Variants in PARVB observed in about 807,000 individuals in gnomAD.
The protein encoded by PARVB is beta-parvin.
Under a neutral mutation model 47.0 loss-of-function variants are expected in PARVB, and 46 were observed. The ratio of observed to expected loss-of-function variants is 0.98; its 90% CI spans 0.77 to 1.25. The LOEUF is 1.25. Among genes scored for constraint, PARVB ranks in the 50% most tolerant of loss-of-function variants. The pLI, the probability that PARVB is intolerant of heterozygous loss-of-function variation, is 0.00. For synonymous variants in PARVB, 196 were observed against 196.3 expected, an observed-to-expected ratio of 1.00 and a Z score of 0.01; for missense variants, 473 against 471.6, an observed-to-expected ratio of 1.00 and a Z score of -0.03.
chr22:44,059,846 C>T (rs987486415), intron 1 of PARVB, among the ~76,000 whole-genome samples: 29 of 152,142 alleles, frequency 1.9e-4, no homozygotes, highest in African/African-American at 6.5e-4. Flanking sequence ...CAGCACTCGT[C>T]GTCTTTGGCG....
intron 2 of PARVB, among the ~76,000 whole-genome samples, chr22:44,097,700 C>T (rs983081406): frequency 1.3e-5 from 2 of 152,204 alleles, no homozygotes; most frequent in Non-Finnish European, 2.9e-5. Flanking sequence ...CACTGCCACA[C>T]ATAGCTGCCT....
chr22:44,098,567 G>A (rs1402938633), intron 2 of PARVB, among the ~76,000 whole-genome samples: 2 of 152,116 alleles, frequency 1.3e-5, no homozygotes, highest in Non-Finnish European at 2.9e-5. Flanking sequence ...GGCCTTGGAG[G>A]CCACATGGAG....
intron 10 of PARVB, among the ~76,000 whole-genome samples, chr22:44,157,336 G>A: frequency 6.6e-6 from 1 of 152,202 alleles, no homozygotes; most frequent in Non-Finnish European, 1.5e-5. Flanking sequence ...CCTGAATGAT[G>A]GGAGTCACTA....
chr22:44,159,512 T>C (rs918766545), intron 11 of PARVB, among the ~76,000 whole-genome samples: 2 of 152,128 alleles, frequency 1.3e-5, no homozygotes, highest in African/African-American at 4.8e-5. Context: ...TATTTTCAGG[T>C]ATAGCATGCA....
chr22:44,010,885 G>A (rs1367639276), intron 2 of PARVB, among the ~76,000 whole-genome samples: 1 of 149,948 alleles, frequency 6.7e-6, no homozygotes, highest in Non-Finnish European at 1.5e-5. Context: ...TAGGCACCAT[G>A]CCTATTTTTT....
chr22:44,116,084 C>T (rs918512233), intron 3 of PARVB: 1 of 152,360 alleles, frequency 6.6e-6, no homozygotes, highest in African/African-American at 2.4e-5. Context: ...CCTCCCAGGA[C>T]ACCACATTGC....
chr22:44,110,201 G>A (rs1315696974), intron 3 of PARVB: 1 of 150,984 alleles, frequency 6.6e-6, no homozygotes, highest in East Asian at 1.9e-4. Flanking sequence ...GCCTGCTTTA[G>A]CCGCTTGAGA....
chr22:44,101,877 A>G (rs1218121703), intron 3 of PARVB, among the ~76,000 whole-genome samples: 1 of 152,200 alleles, frequency 6.6e-6, no homozygotes, highest in Admixed American at 6.5e-5. Flanking sequence ...TGTTATTTCA[A>G]ACAGAAGAAC....
intron 4 of PARVB, among the ~76,000 whole-genome samples, chr22:44,122,103 G>T (rs892958087): frequency 2.0e-5 from 3 of 152,028 alleles, no homozygotes; most frequent in African/African-American, 7.3e-5. Flanking sequence ...TTTAGTTTTT[G>T]TGTATATGTT....
intron 1 of PARVB, among the ~76,000 whole-genome samples, chr22:44,092,135 G>A (rs575550263): frequency 6.6e-6 from 1 of 152,054 alleles, no homozygotes; most frequent in East Asian, 1.9e-4. Context: ...TTTTTGAGAT[G>A]GAGTCTCGCT....
intron 1 of PARVB, among the ~76,000 whole-genome samples, chr22:44,061,213 G>A (rs2146958945): frequency 6.6e-6 from 1 of 152,298 alleles, no homozygotes; most frequent in East Asian, 1.9e-4. Context: ...CAGATCACCT[G>A]AGGTCAGGAG....
At chr22:44,046,116 C>T (rs952538726) in intron 1 of PARVB, among the ~76,000 whole-genome samples, 9 of 152,202 alleles carry the variant, frequency 5.9e-5, no homozygotes, top group Non-Finnish European at 1.2e-4. Flanking sequence ...TTTCAGGGTA[C>T]GAGTCTCTTG....
chr22:44,011,203 G>T (rs1341149699), intron 2 of PARVB, among the ~76,000 whole-genome samples: 1 of 152,054 alleles, frequency 6.6e-6, no homozygotes, highest in Non-Finnish European at 1.5e-5. Context: ...CGAACTCCAG[G>T]GCTCAAGTGA....
chr22:44,032,309 C>A (rs1380186248), intron 1 of PARVB, among the ~76,000 whole-genome samples: 1 of 152,192 alleles, frequency 6.6e-6, no homozygotes, highest in Non-Finnish European at 1.5e-5. Context: ...GTAACATGAT[C>A]AGCCCTGGGA....
At position 44,103,885 on chromosome 22, in the gene PARVB, C is replaced by G. The variant is rs2052509073; in HGVS notation, c.273+3762C>G. The G allele has an allele frequency of 6.6e-6, 1 of 152,246 alleles. No individual in the cohort carries two copies. Among genetic ancestry groups the G allele is most frequent in the Non-Finnish European group, 1.5e-5 (1 of 68,082 alleles). 9.4% of individuals were successfully genotyped at this position (152,246 alleles called of 1,614,324 possible). A position where few individuals can be genotyped will look rare whatever the true frequency, so the allele number is the denominator to read the frequency against. ...GAACCCAGAAGGAACCCTGGAGCCTCCAGAAGGAACCAGCCCTGCTGACAC... is the reference window on the plus strand; with the variant it reads ...GAACCCAGAAGGAACCCTGGAGCCTGCAGAAGGAACCAGCCCTGCTGACAC... On this transcript the variant is annotated intron_variant, in intron 3 of 12. Transcript: ENST00000338758. This position sits in a 1 kb window ranked among gnomAD's most constrained non-coding sequence, Gnocchi z 4.6.
chr22:43,999,834 G>GAAAAAAAA lies in PARVB; in HGVS notation c.211+178_211+185dup, dbSNP rs113458130. On this transcript the variant is annotated intron_variant, in intron 2 of 13. Transcript: ENST00000406477. ...CAACATAGTGAAAACCCATCTATAT[G>GAAAAAAAA]AAAAAAAAAAAAAAAAAAAAAAAAC... Among the ~76,000 whole-genome samples the GAAAAAAAA allele has an allele frequency of 5.8e-5, 4 of 69,376 alleles. 1 individual carries two copies. The highest frequency in any genetic ancestry group is 1.2e-4 in the Non-Finnish European group (4 of 34,622). The allele number at this position is 69,376 out of a possible 152,430, so 45.5% of individuals were successfully genotyped here.
rs976504271 is a variant in PARVB, at chr22:44,094,343, G to GGCCAT, written c.202+336_202+340dup. ...AAAGGAGGTGTAGCAGGCCACTCAG[G>GGCCAT]GCCATGCCATGCCACGCCATGCCAC... On this transcript the variant is annotated intron_variant, in intron 2 of 12. Coordinates refer to ENST00000338758, the MANE Select transcript of PARVB (RefSeq NM_013327.5). Among the ~76,000 whole-genome samples, 22 of 152,082 alleles carry GGCCAT rather than the reference G, an allele frequency of 1.4e-4. No homozygotes were observed. In the East Asian group the frequency reaches 3.3e-3, roughly 23 times the overall value.
At chr22:44,035,339 A>C (rs2146903706) in intron 1 of PARVB, among the ~76,000 whole-genome samples, 1 of 151,302 alleles carries the variant, frequency 6.6e-6, no homozygotes, top group African/African-American at 2.4e-5. Context: ...AGCTTCTTGG[A>C]ATGTCACGCT....
chr22:44,121,358 C>T (rs913963486), intron 4 of PARVB, among the ~76,000 whole-genome samples: 4 of 152,192 alleles, frequency 2.6e-5, no homozygotes, highest in Non-Finnish European at 4.4e-5. Flanking sequence ...ACTTTGTGAA[C>T]GTCCTGTTCA....
Sources: gnomAD v4.1 joint callset for allele counts (sites outside exome capture counted in the v4.1 genomes callset) on GRCh38, gnomAD v4.1.1 for gene constraint, Gnocchi (gnomAD v3.1) non-coding constraint, MANE v1.5 for transcripts, NCBI Gene and HGNC (gene_info 2026-07-23, HGNC 2026-07-21) for gene names.